Variants in SLC25A28 observed in about 807,000 individuals in gnomAD.
SLC25A28 encodes the protein mitoferrin-2.
A neutral mutation model predicts 31.9 loss-of-function variants in SLC25A28; 10 were observed. The ratio of observed to expected loss-of-function variants is 0.31; its 90% confidence interval spans 0.19 to 0.53. SLC25A28 has a LOEUF of 0.53. SLC25A28 is among the 20% of genes least tolerant of loss of function. SLC25A28 has a pLI of 0.95. For synonymous variants in SLC25A28, 208 were observed against 203.6 expected (o/e 1.02, Z -0.19); for missense variants, 256 against 490.3 (o/e 0.52, Z 4.51).
In SLC25A28 at chr10:99,619,339, C is replaced by CT. The variant is rs1319792867; in HGVS notation, c.291+705dup. 6 of 985,302 alleles carry CT rather than the reference C, an allele frequency of 6.1e-6. No homozygotes were observed. The Admixed American group carries it at 3.1e-4, about 50-fold the overall frequency. 61.0% of individuals were successfully genotyped at this position (985,302 alleles called of 1,614,324 possible). ...GAAATATGCTATCAGTTTCATCTCT[C>CT]TTGTTTGGAGGCTGATGTGCTCCCT... On this transcript the variant is annotated intron_variant, in intron 1 of 3. Transcript: ENST00000370495.
intron 1 of SLC25A28, chr10:99,618,110 C>A: frequency 3.3e-6 from 1 of 306,674 alleles, no homozygotes; most frequent in Non-Finnish European, 4.8e-6. Flanking sequence ...TTTGTTCTTG[C>A]AAAATCAATT....
At chr10:99,647,484 C>T in the SLC25A28 span, among the ~76,000 whole-genome samples, 1 of 152,092 alleles carries the variant, frequency 6.6e-6, no homozygotes. Flanking sequence ...CTGTTCATGT[C>T]CTTTGCCCAA....
intron 1 of SLC25A28, among the ~76,000 whole-genome samples, 183 bp from the exon 2 acceptor site, chr10:99,614,107 A>G (rs1167246473): frequency 6.6e-6 from 1 of 152,164 alleles, no homozygotes; most frequent in African/African-American, 2.4e-5. Flanking sequence ...TTTTCTAGTC[A>G]TCTATGACCC....
upstream of SLC25A28, among the ~76,000 whole-genome samples, chr10:99,623,837 T>C (rs2034834131): frequency 6.6e-6 from 1 of 152,234 alleles, no homozygotes; most frequent in Non-Finnish European, 1.5e-5. Flanking sequence ...TGTTACCTGC[T>C]TGCTCCCAGA....
At chr10:99,615,977 TA>T (rs2034643868) in intron 1 of SLC25A28, 1 of 985,400 alleles carries the variant, frequency 1.0e-6, no homozygotes. Context: ...TATACACATC[TA>T]AATCTAACTC....
rs930150957 is a variant in SLC25A28, at chr10:99,613,414, A to T, written c.520+282T>A. ...GGGTAGTTCAGTGTGTCTCCACATT[A>T]CCAGGGCATTAGAAGTTGATGCCAG... On this transcript the variant is annotated intron_variant, in intron 2 of 3. Transcript: ENST00000370495. This position sits in a 1 kb window ranked among gnomAD's most constrained non-coding sequence, Gnocchi z 4.9. The T allele has an allele frequency of 3.8e-6, 5 of 1,316,546 alleles. No individual in the cohort carries two copies. The Admixed American group carries it at 1.6e-4, about 43-fold the overall frequency. 81.6% of individuals were successfully genotyped at this position (1,316,546 alleles called of 1,614,324 possible).
the SLC25A28 span, among the ~76,000 whole-genome samples, chr10:99,641,392 C>T: frequency 4.8e-4 from 73 of 152,130 alleles, no homozygotes; most frequent in African/African-American, 1.3e-3. Flanking sequence ...TCATATCCTT[C>T]GCCCACTTTT....
At chr10:99,642,771 A>G in the SLC25A28 span, among the ~76,000 whole-genome samples, 1 of 152,178 alleles carries the variant, frequency 6.6e-6, no homozygotes, top group Admixed American at 6.5e-5. Flanking sequence ...AGTTTTTAGC[A>G]TGAAGGGCTG....
chr10:99,617,674 A>G, intron 1 of SLC25A28: 2 of 985,458 alleles, frequency 2.0e-6, no homozygotes, highest in Non-Finnish European at 2.4e-6. Context: ...CTTCCCTCTA[A>G]GTCATTTAAA....
At chr10:99,618,554 A>G (rs2034709022) in intron 1 of SLC25A28, 1 of 985,178 alleles carries the variant, frequency 1.0e-6, no homozygotes, top group African/African-American at 1.7e-5. Flanking sequence ...CATCTTTTTT[A>G]TTTATACTTG....
chr10:99,623,525 T>C (rs989424365), upstream of SLC25A28, among the ~76,000 whole-genome samples: 1 of 152,250 alleles, frequency 6.6e-6, no homozygotes, highest in Non-Finnish European at 1.5e-5. Flanking sequence ...CGTATTGATA[T>C]ACTTTCCCTG....
rs768525763 is a variant in SLC25A28, at chr10:99,610,966, T to G, written c.978A>C (p.Arg326=). 3.7e-6 allele frequency: 6 copies of G among 1,614,054 alleles called. No individual in the cohort carries two copies. The East Asian group carries it at 1.3e-4, about 36-fold the overall frequency. Residue 326 remains arginine, a synonymous_variant, in exon 4 of 4, where the codon CGA becomes CGC. Transcript: ENST00000370495. ...GGTAAATTACTCTGGCCTGCACCCC[T>G]CGGAAATAGGCGGTCACCCCACCTA... ...YQVGGVTAYF[R]GVQARVIYQI... is the part of the protein sequence containing the mutation.
intron 1 of SLC25A28, chr10:99,617,188 G>A (rs1452714080): frequency 1.2e-5 from 12 of 985,314 alleles, no homozygotes; most frequent in Non-Finnish European, 1.4e-5. Flanking sequence ...GTTGCAGAAT[G>A]TCCCCATAGA....
At chr10:99,632,039 G>A in the SLC25A28 span, among the ~76,000 whole-genome samples, 1 of 150,520 alleles carries the variant, frequency 6.6e-6, no homozygotes, top group African/African-American at 2.4e-5. Flanking sequence ...TGGGACTACA[G>A]GCGCCCGCCA....
intron 3 of SLC25A28, among the ~76,000 whole-genome samples, 160 bp downstream of exon 3, chr10:99,612,383 A>G (rs1048889521): frequency 2.6e-5 from 4 of 152,192 alleles, no homozygotes; most frequent in Non-Finnish European, 5.9e-5. Flanking sequence ...TTCCTGTCCA[A>G]GAGGGTGCCT....
the SLC25A28 span, among the ~76,000 whole-genome samples, chr10:99,640,339 T>C: frequency 6.6e-6 from 1 of 152,216 alleles, no homozygotes; most frequent in Admixed American, 6.5e-5. Context: ...AAGTTGATTA[T>C]GGCTATTGGC....
the SLC25A28 span, among the ~76,000 whole-genome samples, chr10:99,642,944 G>A: frequency 6.6e-6 from 1 of 152,170 alleles, no homozygotes; most frequent in African/African-American, 2.4e-5. Flanking sequence ...TAAGCTTTTT[G>A]ATGTGTTGCT....
chr10:99,617,452 G>T, intron 1 of SLC25A28: 1 of 985,390 alleles, frequency 1.0e-6, no homozygotes, highest in East Asian at 1.1e-4. Flanking sequence ...TGCCCTTTAG[G>T]CTCCAACAAC....
the SLC25A28 span, among the ~76,000 whole-genome samples, chr10:99,643,757 T>C: frequency 1.3e-5 from 2 of 152,224 alleles, no homozygotes; most frequent in Non-Finnish European, 2.9e-5. Flanking sequence ...GAGATTCTGG[T>C]ATGTTGTGTC....
Sources: allele counts gnomAD v4.1 joint callset (sites outside exome capture counted in the v4.1 genomes callset), GRCh38; gene constraint gnomAD v4.1.1; non-coding constraint Gnocchi (gnomAD v3.1); transcripts MANE v1.5; gene names NCBI Gene and HGNC (gene_info 2026-07-23, HGNC 2026-07-21).